The following MYB variants were observed in gnomAD, a reference collection of about 807,000 sequenced individuals.
MYB encodes the protein MYB proto-oncogene, transcription factor, also known as transcriptional activator Myb.
Under a neutral mutation model 92.9 loss-of-function variants are expected in MYB, and 28 were observed. That is an observed-to-expected ratio of 0.30 (90% CI 0.22 to 0.41). MYB has a LOEUF of 0.41. Among genes scored for constraint, MYB ranks in the 10% least tolerant of loss-of-function variants. The probability of loss-of-function intolerance (pLI) is 1.00; values close to 1 mark genes in which losing one functional copy is unlikely to be tolerated. For synonymous variants in MYB, 295 were observed against 329.1 expected, an observed-to-expected ratio of 0.90 and a Z score of 1.12; for missense variants, 679 against 929.3, an observed-to-expected ratio of 0.73 and a Z score of 3.50.
chr6:135,197,192 A>G lies in MYB; in HGVS notation c.1435A>G (p.Ile479Val). 6.2e-7 allele frequency: 1 copy of G among 1,613,960 alleles called. No individual in the cohort carries two copies. Among genetic ancestry groups the G allele is most frequent in the Non-Finnish European group, 8.5e-7 (1 of 1,179,864 alleles). Reference protein sequence around the residue: ...PARHSTIPLVILRKKRGQASP... With the variant: ...PARHSTIPLVVLRKKRGQASP... ...AAGGCACAGCACAATTCCACTGGTC[A>G]TCCTTCGAAAAAAACGGGGCCAGGC... is the stretch of plus-strand genomic sequence containing the variant. Residue 479 changes from isoleucine to valine, a missense_variant, in exon 10 of 16, where the codon ATC (isoleucine) becomes GTC (valine). Around this residue, in one of 8 missense-constraint regions of MYB, gnomAD observed 402 missense variants for 434.2 expected, o/e 0.93. Coordinates refer to ENST00000341911, the MANE Select transcript of MYB (RefSeq NM_001130173.2).
chr6:135,210,818 A>C (rs1199276131), intron 15 of MYB, among the ~76,000 whole-genome samples: 1 of 152,260 alleles, frequency 6.6e-6, no homozygotes, highest in African/African-American at 2.4e-5. Context: ...TTGCCACTAT[A>C]CACAGGTGAT....
chr6:135,187,789 T>C, intron 2 of MYB, 45 bp from the exon 3 acceptor site: 1 of 1,349,574 alleles, frequency 7.4e-7, no homozygotes, highest in Non-Finnish European at 1.0e-6. Context: ...AACAGAGTTA[T>C]ATAGTAAATA....
chr6:135,190,087 A>AACTC lies in MYB; in HGVS notation c.307-37_307-36insCACT. On this transcript the variant is annotated intron_variant, in intron 4 of 15. Coordinates refer to ENST00000341911, the MANE Select transcript of MYB (RefSeq NM_001130173.2). The surrounding 1 kb of genome is among the most constrained non-coding windows in gnomAD (Gnocchi z 4.5). The stretch of plus-strand genomic sequence containing the variant: ...GAATGATTATACTGACTCATTACAT[A>AACTC]ACTTTAAAACATAGGTTATTTTTGT... 2 of 1,596,544 alleles carry AACTC rather than the reference A, an allele frequency of 1.3e-6. No homozygotes were observed. Among genetic ancestry groups the AACTC allele is most frequent in the Non-Finnish European group, 1.7e-6 (2 of 1,166,600 alleles).
intron 3 of MYB, 93 bp downstream of exon 3, chr6:135,187,998 A>C (rs1776142152): frequency 1.3e-6 from 1 of 791,076 alleles, no homozygotes; most frequent in Non-Finnish European, 2.0e-6. Context: ...ATAGTGTATA[A>C]TTTACTCACA....
rs943103875 is a variant in MYB, at chr6:135,201,814, G to C, written c.2061+65G>C. ...ACTGGTGCCTCATGAAATCCTGTGT[G>C]TGGCATAGGGCTGCTGCGGTTTCAG... On this transcript the variant is annotated intron_variant, in intron 14 of 15. Coordinates refer to ENST00000341911, the MANE Select transcript of MYB (RefSeq NM_001130173.2). The C allele has an allele frequency of 2.5e-5, 23 of 929,442 alleles. No homozygotes were observed. In the African/African-American group the frequency reaches 3.4e-4, roughly 14 times the overall value. 57.6% of individuals were successfully genotyped at this position (929,442 alleles called of 1,614,324 possible). A position where few individuals can be genotyped will look rare whatever the true frequency, so the allele number is the denominator to read the frequency against.
chr6:135,194,028 A>G, intron 7 of MYB, 110 bp downstream of exon 7: 1 of 858,116 alleles, frequency 1.2e-6, no homozygotes, highest in East Asian at 2.5e-5. Flanking sequence ...AGGAAAGGGA[A>G]CATGGAGAGG....
intron 5 of MYB, 63 bp from the exon 6 acceptor site, chr6:135,192,261 A>G: frequency 2.2e-6 from 3 of 1,352,030 alleles, no homozygotes; most frequent in Non-Finnish European, 3.2e-6. Context: ...GTTTTCTGTC[A>G]ATTCACTTTA....
At chr6:135,207,325 A>G (rs1388064705) in intron 15 of MYB, among the ~76,000 whole-genome samples, 1 of 152,250 alleles carries the variant, frequency 6.6e-6, no homozygotes, top group Non-Finnish European at 1.5e-5. Context: ...GAATACTTCT[A>G]AAATGTAAAA....
At chr6:135,192,238 T>C in intron 5 of MYB, 86 bp from the exon 6 acceptor site, 1 of 1,094,764 alleles carries the variant, frequency 9.1e-7, no homozygotes, top group Non-Finnish European at 1.4e-6. Context: ...GGGAAAGGTC[T>C]CTGTTAGAAA....
chr6:135,217,386 A>T (rs150951764), intron 15 of MYB, among the ~76,000 whole-genome samples: 3 of 152,254 alleles, frequency 2.0e-5, no homozygotes, highest in African/African-American at 7.2e-5. Context: ...AAAAGGAAAA[A>T]AATTAAACTA....
Position 135,195,880 on chromosome 6 carries a change from C to T in MYB, c.1081C>T (p.Pro361Ser). 1 of 1,614,172 alleles carries T rather than the reference C, an allele frequency of 6.2e-7. No homozygotes were observed. The highest frequency in any genetic ancestry group is 8.5e-7 in the Non-Finnish European group (1 of 1,180,040). ...CTCCACTCCATCTCTGCCAGCGGAT[C>T]CTGGCTCCCTACCTGAAGAAAGCGC... is the stretch of plus-strand genomic sequence containing the variant. ...HHSTPSLPAD[P>S]GSLPEESASP... is the part of the protein sequence containing the mutation. Residue 361 changes from proline (P) to serine (S), a missense_variant, in exon 9 of 16, where the codon CCT (proline) becomes TCT (serine). Physicochemically the swap from Pro to Ser is moderately conservative, Grantham distance 74. This residue lies in a region of MYB where 56 missense variants were observed against 55.8 expected (regional missense o/e 1.00). Transcript: ENST00000341911.
intron 15 of MYB, among the ~76,000 whole-genome samples, chr6:135,216,453 C>T (rs1780449074): frequency 6.6e-6 from 1 of 152,126 alleles, no homozygotes; most frequent in Non-Finnish European, 1.5e-5. Flanking sequence ...CCGTTCATTC[C>T]TGTATACTTT....
intron 8 of MYB, chr6:135,195,352 GT>G: frequency 6.0e-6 from 1 of 167,636 alleles, no homozygotes; most frequent in Non-Finnish European, 1.2e-5. Context: ...TAACTCCTGA[GT>G]CCTCTAGCTT....
At chr6:135,211,222 T>C (rs1425614586) in intron 15 of MYB, among the ~76,000 whole-genome samples, 2 of 149,914 alleles carry the variant, frequency 1.3e-5, no homozygotes, top group African/African-American at 4.9e-5. Flanking sequence ...CCTGGATGCC[T>C]GCACACTCAT....
At chr6:135,194,962 A>T (rs753954867) in intron 8 of MYB, 110 of 1,334,798 alleles carry the variant, frequency 8.2e-5, no homozygotes, top group Non-Finnish European at 1.0e-4. Context: ...TGTGAAAGTT[A>T]TGTGGGCCAT....
rs768344473 is a variant in MYB, at chr6:135,185,984, G to A, written c.105G>A (p.Lys35=). ...ATGGGCTGCTTCCCAAGTCTGGAAA[G>A]CGTCACTTGGGGAAAACAAGGTGGA... ...DYDGLLPKSG[K]RHLGKTRWTR... is the part of the protein sequence containing the mutation. The change falls in exon 2 of 16, where the codon AAG becomes AAA. Residue 35 remains lysine, a synonymous_variant. Coordinates refer to ENST00000341911, the MANE Select transcript of MYB (RefSeq NM_001130173.2). 3 of 1,614,040 alleles carry A rather than the reference G, an allele frequency of 1.9e-6. No individual in the cohort carries two copies. The highest frequency in any genetic ancestry group is 2.5e-6 in the Non-Finnish European group (3 of 1,180,020).
At chr6:135,186,834 C>A (rs1178460790) in intron 2 of MYB, among the ~76,000 whole-genome samples, 1 of 152,200 alleles carries the variant, frequency 6.6e-6, no homozygotes, top group Non-Finnish European at 1.5e-5. Flanking sequence ...CTCTAATGTT[C>A]TTAAAATTTT....
chr6:135,181,435 AGGCAGGCG>A lies in MYB; in HGVS notation c.-77_-70del. The A allele has an allele frequency of 9.9e-7, 1 of 1,008,066 alleles. No homozygotes were observed. The highest frequency in any genetic ancestry group is 1.2e-6 in the Non-Finnish European group (1 of 816,998). The allele number at this position is 1,008,066 out of a possible 1,614,324, so 62.4% of individuals were successfully genotyped here. On this transcript the variant is annotated 5_prime_UTR_variant, in exon 1 of 16. Transcript: ENST00000341911. The surrounding 1 kb of genome is among the most constrained non-coding windows in gnomAD (Gnocchi z 5.3). ...CCGCTGCGCAGCCGGGGAGGGACGC[AGGCAGGCG>A]GCGGGCAGCGGGAGGCGGCAGCCCG...
chr6:135,187,291 T>C (rs1009864859), intron 2 of MYB, among the ~76,000 whole-genome samples: 16 of 152,196 alleles, frequency 1.1e-4, no homozygotes, highest in African/African-American at 3.4e-4. Context: ...TTAAAAATGG[T>C]CTTTATTTCT....
Sources: gnomAD v4.1 joint callset for allele counts (sites outside exome capture counted in the v4.1 genomes callset) on GRCh38, gnomAD v4.1.1 for gene constraint, gnomAD v4.1.1 regional missense constraint, Gnocchi (gnomAD v3.1) non-coding constraint, MANE v1.5 for transcripts, NCBI Gene and HGNC (gene_info 2026-07-23, HGNC 2026-07-21) for gene names.